The following MTMR7 variants were observed in gnomAD, a reference collection of about 807,000 sequenced individuals.
MTMR7 encodes the protein myotubularin related protein 7, also known as phosphatidylinositol-3-phosphate phosphatase MTMR7.
In MTMR7, 76 loss-of-function variants were observed where a neutral mutation model predicts 81.2. That is an observed-to-expected ratio of 0.94 (90% confidence interval 0.78 to 1.13). The LOEUF is 1.13. Among genes scored for constraint, MTMR7 ranks in the 50% most tolerant of loss-of-function variants. MTMR7 has a pLI of 0.00. For synonymous variants in MTMR7, 372 were observed against 289.8 expected (o/e 1.28, Z -2.88); for missense variants, 1,044 against 820.0 (o/e 1.27, Z -3.34).
chr8:17,299,620 A>T lies in MTMR7; in HGVS notation c.*242T>A. The T allele has an allele frequency of 2.0e-6, 1 of 502,538 alleles. No individual in the cohort carries two copies. Among genetic ancestry groups the T allele is most frequent in the African/African-American group, 1.9e-5 (1 of 52,368 alleles). The allele number at this position is 502,538 out of a possible 1,614,324, so 31.1% of individuals were successfully genotyped here. Reference sequence around the variant, plus strand: ...TTGCTCTGCAGTGAATATAATTTTCATAGTCTAGGGTGAGCTTCAAAATGG... The same window carrying T: ...TTGCTCTGCAGTGAATATAATTTTCTTAGTCTAGGGTGAGCTTCAAAATGG... On this transcript the variant is annotated 3_prime_UTR_variant, in exon 14 of 14. Transcript: ENST00000180173.
chr8:17,365,420 C>G (rs1323358875), intron 3 of MTMR7, among the ~76,000 whole-genome samples: 1 of 152,166 alleles, frequency 6.6e-6, no homozygotes, highest in Non-Finnish European at 1.5e-5. Flanking sequence ...AGAATCTGAA[C>G]AGAGAGAAAA....
chr8:17,361,158 T>C lies in MTMR7; in HGVS notation c.427A>G (p.Asn143Asp), dbSNP rs767628064. 6 of 1,614,072 alleles carry C rather than the reference T, an allele frequency of 3.7e-6. No individual in the cohort carries two copies. The highest frequency in any genetic ancestry group is 4.2e-6 in the Non-Finnish European group (5 of 1,180,030). ...ACATCGCTGAGCTGCCAGTAATGAT[T>C]AGGGAGGCCCATCCGCGTGTATTCT... ...SEEYTRMGLPNHYWQLSDVNR... is the reference protein window; with the variant it reads ...SEEYTRMGLPDHYWQLSDVNR... The change falls in exon 4 of 14, where the codon AAT (asparagine) becomes GAT (aspartate). Residue 143 changes from asparagine (N) to aspartate (D), a missense_variant. Asn to Asp is a conservative substitution (Grantham distance 23). Transcript: ENST00000180173.
intron 4 of MTMR7, among the ~76,000 whole-genome samples, chr8:17,354,375 A>G (rs925174810): frequency 1.3e-5 from 2 of 152,214 alleles, no homozygotes; most frequent in African/African-American, 4.8e-5. Flanking sequence ...CAAGAGAGTT[A>G]GATTAAAACT....
At chr8:17,367,366 G>C (rs1820259534) in intron 3 of MTMR7, among the ~76,000 whole-genome samples, 1 of 152,150 alleles carries the variant, frequency 6.6e-6, no homozygotes, top group Non-Finnish European at 1.5e-5. Flanking sequence ...TTGGAGGGAA[G>C]AGAGGAGAGA....
intron 10 of MTMR7, among the ~76,000 whole-genome samples, chr8:17,306,370 G>A (rs1817455785): frequency 2.6e-5 from 4 of 151,724 alleles, no homozygotes; most frequent in Admixed American, 1.3e-4. Flanking sequence ...GTTGGGAAGG[G>A]ATGAGGAAAA....
At chr8:17,400,874 A>G (rs1455156832) in intron 1 of MTMR7, among the ~76,000 whole-genome samples, 3 of 152,198 alleles carry the variant, frequency 2.0e-5, no homozygotes, top group Admixed American at 1.3e-4. Flanking sequence ...TAATCACAGA[A>G]GTTGTGATTA....
At chr8:17,332,693 C>A (rs1011338436) in intron 6 of MTMR7, among the ~76,000 whole-genome samples, 2 of 152,222 alleles carry the variant, frequency 1.3e-5, no homozygotes, top group African/African-American at 4.8e-5. Context: ...GCCACAAAAT[C>A]ATATAGGTCG....
chr8:17,404,544 C>T (rs1397439976), intron 1 of MTMR7, among the ~76,000 whole-genome samples: 1 of 133,344 alleles, frequency 7.5e-6, no homozygotes, highest in Non-Finnish European at 1.7e-5. Context: ...AAAATAAATT[C>T]AATCTCAACA....
At position 17,341,370 on chromosome 8, in the gene MTMR7, C is replaced by T. The variant is rs1819402478; in HGVS notation, c.725G>A (p.Arg242Gln). 7.4e-6 allele frequency: 12 copies of T among 1,614,024 alleles called. No individual in the cohort carries two copies. Among genetic ancestry groups the T allele is most frequent in the Non-Finnish European group, 1.0e-5 (12 of 1,179,930 alleles). ...GSDFVYVVDT[R>Q]PKLNAMANRA... Reference sequence around the variant, plus strand: ...CGCAACGGTGACACTTACTTTAGGCCGGGTGTCAACGACATAAACGAAGTC... The same window carrying T: ...CGCAACGGTGACACTTACTTTAGGCTGGGTGTCAACGACATAAACGAAGTC... Residue 242 changes from arginine to glutamine, a missense_variant, in exon 6 of 14, where the codon CGG becomes CAG. Transcript: ENST00000180173.
rs542030449 is a variant in MTMR7, at chr8:17,371,682, G to A, written c.148-483C>T. The stretch of plus-strand genomic sequence containing the variant: ...TGTTTTCTAAGCTGTTGGTGGTCGG[G>A]CAGGCTGCAAAAGAAGGGATTTATT... On this transcript the variant is annotated intron_variant, in intron 2 of 13. Coordinates refer to ENST00000180173, the MANE Select transcript of MTMR7 (RefSeq NM_004686.5). Among the ~76,000 whole-genome samples the A allele has an allele frequency of 1.4e-4, 22 of 152,046 alleles. No individual in the cohort carries two copies. In the South Asian group the frequency reaches 4.2e-3, roughly 29 times the overall value.
intron 1 of MTMR7, among the ~76,000 whole-genome samples, chr8:17,412,361 T>C (rs921366288): frequency 1.3e-5 from 2 of 152,204 alleles, no homozygotes; most frequent in Admixed American, 6.5e-5. Context: ...ACATTTTGAA[T>C]GGAAGTTCAT....
intron 6 of MTMR7, among the ~76,000 whole-genome samples, chr8:17,338,404 C>G (rs1310901882): frequency 6.6e-6 from 1 of 152,174 alleles, no homozygotes; most frequent in Admixed American, 6.5e-5. Flanking sequence ...ATCTGTCTGG[C>G]TTTATTTAAA....
At chr8:17,376,861 T>C (rs1164175313) in intron 1 of MTMR7, among the ~76,000 whole-genome samples, 1 of 152,144 alleles carries the variant, frequency 6.6e-6, no homozygotes, top group Non-Finnish European at 1.5e-5. Flanking sequence ...TGTATTTGGA[T>C]AAATATTTGT....
chr8:17,412,861 C>A (rs1171647412), intron 1 of MTMR7, among the ~76,000 whole-genome samples: 1 of 152,200 alleles, frequency 6.6e-6, no homozygotes, highest in African/African-American at 2.4e-5. Context: ...CTGCATTTAG[C>A]TCGTTTTCCT....
At chr8:17,406,649 A>G (rs1269267694) in intron 1 of MTMR7, among the ~76,000 whole-genome samples, 1 of 152,218 alleles carries the variant, frequency 6.6e-6, no homozygotes, top group Non-Finnish European at 1.5e-5. Context: ...ATGAAATTCT[A>G]TCCAAGAGAA....
chr8:17,371,690 C>T (rs1820425087), intron 2 of MTMR7, among the ~76,000 whole-genome samples: 1 of 151,834 alleles, frequency 6.6e-6, no homozygotes, highest in Non-Finnish European at 1.5e-5. Flanking sequence ...GGGCAGGCTG[C>T]AAAAGAAGGG....
At chr8:17,394,676 G>T (rs1270493894) in intron 1 of MTMR7, among the ~76,000 whole-genome samples, 1 of 152,118 alleles carries the variant, frequency 6.6e-6, no homozygotes, top group Non-Finnish European at 1.5e-5. Flanking sequence ...TTTAAATGAT[G>T]AATTTTATAA....
intron 5 of MTMR7, among the ~76,000 whole-genome samples, chr8:17,346,425 C>T (rs1819552572): frequency 6.6e-6 from 1 of 151,998 alleles, no homozygotes; most frequent in Non-Finnish European, 1.5e-5. Flanking sequence ...TAAATATGGG[C>T]AATGAATACT....
At chr8:17,410,974 G>A (rs1026715667) in intron 1 of MTMR7, among the ~76,000 whole-genome samples, 5 of 152,048 alleles carry the variant, frequency 3.3e-5, no homozygotes, top group African/African-American at 1.2e-4. Flanking sequence ...CCATGAAATC[G>A]AAGGAAATTT....
Sources: gnomAD v4.1 joint callset for allele counts (sites outside exome capture counted in the v4.1 genomes callset) on GRCh38, gnomAD v4.1.1 for gene constraint, MANE v1.5 for transcripts, NCBI Gene and HGNC (gene_info 2026-07-23, HGNC 2026-07-21) for gene names.